Variants in NXN observed in about 807,000 individuals in gnomAD.
NXN encodes the protein nucleoredoxin 1.
Under a neutral mutation model 48.6 loss-of-function variants are expected in NXN, and 16 were observed. The ratio of observed to expected loss-of-function variants is 0.33; its 90% CI spans 0.22 to 0.50. NXN has a LOEUF of 0.50. NXN is among the 20% of genes least tolerant of loss of function. NXN has a pLI of 0.98. For synonymous variants in NXN, 281 were observed against 269.6 expected (o/e 1.04, Z -0.41); for missense variants, 492 against 605.5 (o/e 0.81, Z 1.97).
chr17:967,928 C>T lies in NXN; in HGVS notation c.360+11391G>A, dbSNP rs552848595. On this transcript the variant is annotated intron_variant, in intron 1 of 7. Coordinates refer to ENST00000336868, the MANE Select transcript of NXN (RefSeq NM_022463.5). ...CGGAGCTTGCAGCAAGCTGAGATCG[C>T]GCCACTGTACTCTAGCCCAGGCGAC... Among the ~76,000 whole-genome samples the T allele has an allele frequency of 6.6e-5, 10 of 151,532 alleles. No individual in the cohort carries two copies. The South Asian group carries it at 1.3e-3, about 19-fold the overall frequency.
intron 1 of NXN, among the ~76,000 whole-genome samples, chr17:835,037 G>T (rs1009473979): frequency 1.3e-5 from 2 of 151,610 alleles, no homozygotes; most frequent in Non-Finnish European, 2.9e-5. Flanking sequence ...GGCCTGGCGC[G>T]GTGGCTCACG....
intron 1 of NXN, among the ~76,000 whole-genome samples, chr17:936,111 A>AAAC (rs56743864): frequency 6.8e-6 from 1 of 147,596 alleles, no homozygotes; most frequent in African/African-American, 2.5e-5. Flanking sequence ...AAAAAAAAAA[A>AAAC]CCTCCAGCTC....
chr17:907,497 G>A (rs1168538783), intron 1 of NXN, among the ~76,000 whole-genome samples: 3 of 151,956 alleles, frequency 2.0e-5, no homozygotes, highest in Non-Finnish European at 2.9e-5. Flanking sequence ...CCGCCACCAC[G>A]CCAGGCTAAT....
chr17:835,642 C>G (rs562623925), intron 1 of NXN, among the ~76,000 whole-genome samples: 2 of 152,056 alleles, frequency 1.3e-5, no homozygotes, highest in African/African-American at 4.8e-5. Context: ...GACTGGGAAC[C>G]GGGAAACGGT....
intron 5 of NXN, among the ~76,000 whole-genome samples, chr17:808,724 GAATGC>G (rs751442137): frequency 1.0e-4 from 15 of 150,462 alleles, no homozygotes; most frequent in African/African-American, 3.4e-4. Context: ...GCCCAGGCTG[GAATGC>G]AATGGTGCGA....
intron 1 of NXN, among the ~76,000 whole-genome samples, chr17:947,883 CAA>C (rs71145800): frequency 6.7e-5 from 8 of 119,198 alleles, no homozygotes; most frequent in Admixed American, 1.8e-4. Flanking sequence ...TACTGAAATA[CAA>C]AAAAAAAAAA....
intron 1 of NXN, among the ~76,000 whole-genome samples, chr17:839,435 C>T (rs1367459956): frequency 2.0e-5 from 3 of 151,198 alleles, no homozygotes; most frequent in Non-Finnish European, 2.9e-5. Context: ...AACTCTGTCT[C>T]AAAAAATAAA....
chr17:842,806 G>T (rs1461721325), intron 1 of NXN, among the ~76,000 whole-genome samples: 1 of 152,170 alleles, frequency 6.6e-6, no homozygotes, highest in Non-Finnish European at 1.5e-5. Flanking sequence ...GGGCGTGGTT[G>T]CACACGCCTG....
chr17:877,393 G>A (rs1243663430), intron 1 of NXN, among the ~76,000 whole-genome samples: 2 of 151,990 alleles, frequency 1.3e-5, no homozygotes, highest in Non-Finnish European at 2.9e-5. Context: ...TGATCCACCT[G>A]CCTCAGCCTC....
At chr17:955,122 C>T (rs1257798797) in intron 1 of NXN, among the ~76,000 whole-genome samples, 1 of 151,474 alleles carries the variant, frequency 6.6e-6, no homozygotes, top group African/African-American at 2.4e-5. Flanking sequence ...GAAAGATGGG[C>T]CTGTGGTATT....
chr17:812,601 G>A (rs1274599622), intron 5 of NXN, among the ~76,000 whole-genome samples: 3 of 151,416 alleles, frequency 2.0e-5, no homozygotes, highest in Non-Finnish European at 4.4e-5. Flanking sequence ...GATGGCGCGA[G>A]TGTGCATTGT....
chr17:914,396 C>A (rs1263457858), intron 1 of NXN, among the ~76,000 whole-genome samples: 3 of 152,078 alleles, frequency 2.0e-5, no homozygotes, highest in Admixed American at 6.6e-5. Context: ...TCTCAAACTC[C>A]TGACCTCAGG....
In NXN at chr17:919,817, T is replaced by C. The variant is rs113105502; in HGVS notation, c.360+59502A>G. Among the ~76,000 whole-genome samples the C allele has an allele frequency of 9.8e-4, 149 of 152,268 alleles. No individual in the cohort carries two copies. Among genetic ancestry groups the C allele is most frequent in the African/African-American group, 3.4e-3 (143 of 41,562 alleles). On this transcript the variant is annotated intron_variant, in intron 1 of 7. Transcript: ENST00000336868. The surrounding 1 kb of genome is among the most constrained non-coding windows in gnomAD (Gnocchi z 5.1). ...ACGCTCTCCCTTCCATCATTCAATC[T>C]TGGCGGACCACACTGGTATGCGACC...
At chr17:890,385 G>GT (rs989758352) in intron 1 of NXN, among the ~76,000 whole-genome samples, 4 of 152,076 alleles carry the variant, frequency 2.6e-5, no homozygotes, top group East Asian at 1.9e-4. Flanking sequence ...TTTTCTTTTT[G>GT]TTTTTTGAGA....
intron 5 of NXN, among the ~76,000 whole-genome samples, chr17:818,878 C>T (rs1027008537): frequency 2.8e-5 from 4 of 144,234 alleles, no homozygotes; most frequent in African/African-American, 1.2e-4. Flanking sequence ...GAGTGAGACT[C>T]CGTCTCAAAA....
At chr17:810,944 G>A (rs898763527) in intron 5 of NXN, among the ~76,000 whole-genome samples, 2 of 152,118 alleles carry the variant, frequency 1.3e-5, no homozygotes, top group Non-Finnish European at 1.5e-5. Context: ...CGCTCTAAAG[G>A]TCTCGAGGCA....
chr17:970,455 GA>G (rs149550209), intron 1 of NXN, among the ~76,000 whole-genome samples: 119 of 150,316 alleles, frequency 7.9e-4, no homozygotes, highest in Admixed American at 6.1e-3. Flanking sequence ...AAGGCCCTTA[GA>G]AAAAAAAACA....
In NXN at chr17:844,817, T is replaced by G. The variant is rs975988367; in HGVS notation, c.361-18739A>C. On this transcript the variant is annotated intron_variant, in intron 1 of 7. Transcript: ENST00000336868. ...CCAGGCTGGTCTCAAGCTCTTGACCTTGTGATCTGCCCGCCTCGGCCTCCC... is the reference window on the plus strand; with the variant it reads ...CCAGGCTGGTCTCAAGCTCTTGACCGTGTGATCTGCCCGCCTCGGCCTCCC... 2.6e-5 allele frequency among the ~76,000 whole-genome samples: 4 copies of G among 152,218 alleles called. No homozygotes were observed. In the East Asian group the frequency reaches 7.7e-4, roughly 29 times the overall value.
intron 1 of NXN, among the ~76,000 whole-genome samples, chr17:884,063 T>C (rs1666299076): frequency 6.6e-6 from 1 of 151,470 alleles, no homozygotes; most frequent in South Asian, 2.1e-4. Context: ...CTAAAAAAAA[T>C]ACAAAAAGTT....
Sources: allele counts gnomAD v4.1 joint callset (sites outside exome capture counted in the v4.1 genomes callset), GRCh38; gene constraint gnomAD v4.1.1; non-coding constraint Gnocchi (gnomAD v3.1); transcripts MANE v1.5; gene names NCBI Gene and HGNC (gene_info 2026-07-23, HGNC 2026-07-21).